DMD: variants seen among roughly 807,000 people sequenced by gnomAD.
The protein encoded by DMD is dystrophin, also known as mutant dystrophin.
DMD carries 63 observed loss-of-function variants against 330.1 expected under a neutral mutation model. The ratio of observed to expected loss-of-function variants is 0.19; its 90% CI spans 0.16 to 0.24. The LOEUF (loss-of-function observed/expected upper bound fraction) is 0.24, where lower values mean the gene tolerates loss of function less well. Among genes scored for constraint, DMD ranks in the 10% least tolerant of loss-of-function variants. The probability of loss-of-function intolerance (pLI) is 1.00; values close to 1 mark genes in which losing one functional copy is unlikely to be tolerated. For missense variants in DMD, 3,344 were observed against 2,684.1 expected, an observed-to-expected ratio of 1.25 and a Z score of -5.43; for synonymous variants, 1,223 against 959.8, an observed-to-expected ratio of 1.27 and a Z score of -5.07.
chrX:33,116,268 T>C (rs1186610750), intron 1 of DMD, among the ~76,000 whole-genome samples: 2 of 110,737 alleles, frequency 1.8e-5, no homozygotes, highest in African/African-American at 3.3e-5. Context: ...CCCAGCACTT[T>C]GGGAAGCTGA....
At chrX:32,015,248 A>T (rs777579713) in intron 44 of DMD, among the ~76,000 whole-genome samples, 28 of 111,796 alleles carry the variant, frequency 2.5e-4, no homozygotes, top group African/African-American at 8.4e-4. Flanking sequence ...AAATTTTGAC[A>T]TGAATAAGAA....
intron 76 of DMD, among the ~76,000 whole-genome samples, chrX:31,140,654 G>A (rs1344731058): frequency 1.8e-5 from 2 of 112,428 alleles, no homozygotes; most frequent in African/African-American, 3.2e-5. Flanking sequence ...CTGATCAGTT[G>A]TGAATGGTGG....
chrX:32,890,010 A>G (rs2085044510), intron 2 of DMD, among the ~76,000 whole-genome samples: 1 of 111,906 alleles, frequency 8.9e-6, no homozygotes, highest in Non-Finnish European at 1.9e-5. Context: ...TATATAAATT[A>G]AGTTCAGATT....
At chrX:32,863,642 A>T (rs1386611323) in intron 2 of DMD, among the ~76,000 whole-genome samples, 1 of 110,090 alleles carries the variant, frequency 9.1e-6, no homozygotes, top group Non-Finnish European at 1.9e-5. Flanking sequence ...ACTCAGTTCC[A>T]GGGAAATTGC....
intron 47 of DMD, among the ~76,000 whole-genome samples, chrX:31,881,348 C>T (rs770310521): frequency 9.6e-6 from 1 of 104,659 alleles, no homozygotes; most frequent in East Asian, 3.0e-4. Flanking sequence ...GTCAGGAGAT[C>T]GGGACCATCC....
At chrX:32,848,879 G>A (rs1198049828) in intron 3 of DMD, among the ~76,000 whole-genome samples, 1 of 111,076 alleles carries the variant, frequency 9.0e-6, no homozygotes, top group Non-Finnish European at 1.9e-5. Flanking sequence ...ACCGAGAAAA[G>A]AGTGGCTTAG....
intron 43 of DMD, among the ~76,000 whole-genome samples, chrX:32,254,196 C>A (rs1434116683): frequency 9.0e-6 from 1 of 111,265 alleles, no homozygotes; most frequent in Non-Finnish European, 1.9e-5. Flanking sequence ...CATGCGCCAA[C>A]ACGCCTGGCC....
intron 44 of DMD, among the ~76,000 whole-genome samples, chrX:31,990,611 A>G (rs1455661238): frequency 8.9e-6 from 1 of 112,439 alleles, no homozygotes; most frequent in African/African-American, 3.2e-5. Flanking sequence ...AAATGGTACA[A>G]TAAGTTAAGC....
intron 7 of DMD, among the ~76,000 whole-genome samples, chrX:32,735,813 C>A (rs2068385389): frequency 9.0e-6 from 1 of 111,730 alleles, no homozygotes; most frequent in Non-Finnish European, 1.9e-5. Flanking sequence ...CATAAAAACC[C>A]TGGAAGAAAA....
chrX:32,375,587 A>C lies in DMD; in HGVS notation c.4845+4923T>G, dbSNP rs545122666. On this transcript the variant is annotated intron_variant, in intron 34 of 78. Transcript: ENST00000357033. ...ATCATTACTTCTGTATGCATAACTCATCTTAAGGAATGAAATATTACAAGT... is the reference window on the plus strand; with the variant it reads ...ATCATTACTTCTGTATGCATAACTCCTCTTAAGGAATGAAATATTACAAGT... Among the ~76,000 whole-genome samples, 8 of 112,217 alleles carry C rather than the reference A, an allele frequency of 7.1e-5. No individual in the cohort carries two copies. In the South Asian group the frequency reaches 2.6e-3, roughly 36 times the overall value.
chrX:31,343,286 T>C (rs1466092610), intron 61 of DMD, among the ~76,000 whole-genome samples: 4 of 111,412 alleles, frequency 3.6e-5, no homozygotes, highest in Non-Finnish European at 5.6e-5. Context: ...GTCACACTAT[T>C]AGAATTTCTC....
intron 54 of DMD, among the ~76,000 whole-genome samples, chrX:31,632,189 A>G (rs1483086807): frequency 1.8e-5 from 2 of 111,788 alleles, no homozygotes. Flanking sequence ...GTTGAATATC[A>G]TCAATTTCTT....
chrX:32,106,317 C>T (rs2096563782), intron 44 of DMD, among the ~76,000 whole-genome samples: 1 of 111,583 alleles, frequency 9.0e-6, no homozygotes, highest in African/African-American at 3.3e-5. Flanking sequence ...ATAAAATTAA[C>T]CTCTACCCAT....
intron 1 of DMD, among the ~76,000 whole-genome samples, chrX:33,218,624 C>T (rs1219512901): frequency 9.0e-6 from 1 of 111,222 alleles, no homozygotes; most frequent in Non-Finnish European, 1.9e-5. Flanking sequence ...GTATACTCAG[C>T]TCCTTGAATC....
intron 74 of DMD, among the ~76,000 whole-genome samples, chrX:31,163,125 G>A (rs2039034613): frequency 8.9e-6 from 1 of 111,861 alleles, no homozygotes; most frequent in Non-Finnish European, 1.9e-5. Flanking sequence ...TGGGGCCCAT[G>A]TCACCAAATG....
intron 1 of DMD, among the ~76,000 whole-genome samples, chrX:33,068,740 A>T (rs61452838): frequency 0.032 from 3,633 of 112,452 alleles, 117 homozygotes; most frequent in African/African-American, 0.11. Flanking sequence ...TGACTTTGTG[A>T]TGCCAAAGAG....
At chrX:33,193,801 A>C (rs373674000) in intron 1 of DMD, among the ~76,000 whole-genome samples, 1 of 111,796 alleles carries the variant, frequency 8.9e-6, no homozygotes, top group Non-Finnish European at 1.9e-5. Flanking sequence ...CAAAAAATTA[A>C]GTGTCATCAT....
At chrX:31,844,510 CTG>C (rs1212793555) in intron 48 of DMD, among the ~76,000 whole-genome samples, 4 of 111,308 alleles carry the variant, frequency 3.6e-5, no homozygotes, top group Non-Finnish European at 5.7e-5. Flanking sequence ...ACTCTTCAGA[CTG>C]TTTTTTAGAT....
chrX:32,896,811 C>T (rs1051863789), intron 2 of DMD, among the ~76,000 whole-genome samples: 2 of 112,398 alleles, frequency 1.8e-5, no homozygotes, highest in Non-Finnish European at 3.8e-5. Context: ...TCAGGAGATA[C>T]ATTATTATCA....
Sources: gnomAD v4.1 joint callset for allele counts (sites outside exome capture counted in the v4.1 genomes callset) on GRCh38, gnomAD v4.1.1 for gene constraint, MANE v1.5 for transcripts, NCBI Gene and HGNC (gene_info 2026-07-23, HGNC 2026-07-21) for gene names.